RNFT2: variants seen among roughly 807,000 people sequenced by gnomAD.
RNFT2 encodes the protein ring finger protein, transmembrane 2, also known as E3 ubiquitin-protein ligase RNFT2.
Under a neutral mutation model 53.0 loss-of-function variants are expected in RNFT2, and 36 were observed. The observed-to-expected ratio is 0.68, with a 90% confidence interval of 0.52 to 0.90. The LOEUF is 0.90. Among genes scored for constraint, RNFT2 ranks in the 40% least tolerant of loss-of-function variants. The pLI is 0.00. For missense variants in RNFT2, 514 were observed against 585.6 expected (o/e 0.88, Z 1.26); for synonymous variants, 260 against 253.2 (o/e 1.03, Z -0.26).
chr12:116,765,663 C>A (rs1303823274), intron 5 of RNFT2, among the ~76,000 whole-genome samples: 1 of 152,158 alleles, frequency 6.6e-6, no homozygotes, highest in Non-Finnish European at 1.5e-5. Flanking sequence ...TGCTGTCAGG[C>A]TATGAAACTG....
In RNFT2 at chr12:116,833,958, G is replaced by C. The variant is rs1201177921; in HGVS notation, c.1032+17G>C. 6 of 1,586,276 alleles carry C rather than the reference G, an allele frequency of 3.8e-6. No homozygotes were observed. The highest frequency in any genetic ancestry group is 4.3e-6 in the Non-Finnish European group (5 of 1,168,228). On this transcript the variant is annotated intron_variant, in intron 8 of 10. Coordinates refer to ENST00000257575, the MANE Select transcript of RNFT2 (RefSeq NM_001382266.1). ...CTCTGCAAGGTGAGGTGGCCCCAAGGCTGGAGGGCCGGCCTAAGGAGGGCC... is the reference window on the plus strand; with the variant it reads ...CTCTGCAAGGTGAGGTGGCCCCAAGCCTGGAGGGCCGGCCTAAGGAGGGCC...
chr12:116,777,292 T>C (rs1423789080), intron 6 of RNFT2, among the ~76,000 whole-genome samples: 3 of 152,130 alleles, frequency 2.0e-5, no homozygotes, highest in Admixed American at 6.5e-5. Flanking sequence ...ATATAAAATA[T>C]ACAGAGCAGG....
chr12:116,767,303 G>A (rs750889029), intron 6 of RNFT2, among the ~76,000 whole-genome samples: 6 of 151,382 alleles, frequency 4.0e-5, no homozygotes, highest in Non-Finnish European at 7.4e-5. Context: ...CTGCAGCCTC[G>A]ACCTCCCAGG....
At chr12:116,771,049 G>C (rs1171785602) in intron 6 of RNFT2, among the ~76,000 whole-genome samples, 2 of 152,080 alleles carry the variant, frequency 1.3e-5, no homozygotes, top group Non-Finnish European at 2.9e-5. Flanking sequence ...CAACAAAGTT[G>C]AATGGTTATG....
At chr12:116,756,334 T>C (rs1328793087) in intron 5 of RNFT2, among the ~76,000 whole-genome samples, 3 of 152,136 alleles carry the variant, frequency 2.0e-5, no homozygotes, top group East Asian at 1.9e-4. Flanking sequence ...TTTTTTGTTT[T>C]GCAGCTATTG....
intron 6 of RNFT2, among the ~76,000 whole-genome samples, chr12:116,767,157 C>T (rs1400422946): frequency 6.6e-6 from 1 of 152,130 alleles, no homozygotes; most frequent in African/African-American, 2.4e-5. Flanking sequence ...CAGGTGGAAT[C>T]AATTATAATA....
At position 116,812,255 on chromosome 12, in the gene RNFT2, C is replaced by G. The variant is rs373335253; in HGVS notation, c.883-21537C>G. On this transcript the variant is annotated intron_variant, in intron 7 of 10. Coordinates refer to ENST00000257575, the MANE Select transcript of RNFT2 (RefSeq NM_001382266.1). ...CCTGCTGCAGCCTTATCCAGGGTGC[C>G]TGGCACATAGCAGCCCGACATAAAT... Among the ~76,000 whole-genome samples the G allele has an allele frequency of 4.0e-4, 61 of 152,230 alleles. No homozygotes were observed. The East Asian group carries it at 9.5e-3, about 24-fold the overall frequency.
chr12:116,750,873 T>A (rs1277664438), intron 4 of RNFT2, among the ~76,000 whole-genome samples: 1 of 1,108 alleles, frequency 9.0e-4, no homozygotes, highest in Admixed American at 0.016. Context: ...ATATATATAA[T>A]ATATATATTA....
chr12:116,754,075 G>T lies in RNFT2; in HGVS notation c.627+15G>T. On this transcript the variant is annotated intron_variant, in intron 5 of 10. Coordinates refer to ENST00000257575, the MANE Select transcript of RNFT2 (RefSeq NM_001382266.1). ...TCTCACTGAAGGTGAGTCACTTTCC[G>T]ACCTAGTCTCCTGTGGCTGCTGCAA... 1 of 1,607,604 alleles carries T rather than the reference G, an allele frequency of 6.2e-7. No homozygotes were observed. The highest frequency in any genetic ancestry group is 1.1e-5 in the South Asian group (1 of 90,934).
intron 7 of RNFT2, among the ~76,000 whole-genome samples, chr12:116,832,898 C>CTTTTTTTTTTTTTTTTTTTTTT (rs71095601): frequency 2.4e-5 from 2 of 84,766 alleles, no homozygotes; most frequent in Non-Finnish European, 2.1e-5. Flanking sequence ...AAGTCGTGTT[C>CTTTTTTTTTTTTTTTTTTTTTT]TTTTTTTTTT....
intron 5 of RNFT2, among the ~76,000 whole-genome samples, chr12:116,763,495 G>A (rs956872545): frequency 2.6e-5 from 4 of 152,048 alleles, no homozygotes; most frequent in South Asian, 2.1e-4. Context: ...TAGGTGGGGC[G>A]CAGTGGCTCA....
chr12:116,794,358 G>A (rs1170598086), intron 7 of RNFT2, among the ~76,000 whole-genome samples: 3 of 152,022 alleles, frequency 2.0e-5, no homozygotes, highest in African/African-American at 7.2e-5. Flanking sequence ...AGCACTTTGG[G>A]AGGCCAAGGC....
At chr12:116,839,198 G>T (rs1382085157) in intron 10 of RNFT2, among the ~76,000 whole-genome samples, 1 of 152,162 alleles carries the variant, frequency 6.6e-6, no homozygotes, top group Non-Finnish European at 1.5e-5. Context: ...GATGGGCAAG[G>T]TCTGTCTGCC....
In RNFT2 at chr12:116,846,203, C is replaced by T. The variant is rs185338042; in HGVS notation, c.1201-3111C>T. Among the ~76,000 whole-genome samples, 1,156 of 152,250 alleles carry T rather than the reference C, an allele frequency of 7.6e-3. 15 individuals carry two copies. Among genetic ancestry groups the T allele is most frequent in the African/African-American group, 0.026 (1,100 of 41,530 alleles). On this transcript the variant is annotated intron_variant, in intron 10 of 10. Coordinates refer to ENST00000257575, the MANE Select transcript of RNFT2 (RefSeq NM_001382266.1). ...ACACATAAGATAATAATCATTATTA[C>T]TATCATAATAGCTAATAGTTATAGA...
chr12:116,776,636 T>C (rs1257792449), intron 6 of RNFT2, among the ~76,000 whole-genome samples: 1 of 152,188 alleles, frequency 6.6e-6, no homozygotes, highest in Admixed American at 6.5e-5. Context: ...GATGCTAGAA[T>C]AGAGGCCTCA....
intron 3 of RNFT2, among the ~76,000 whole-genome samples, chr12:116,745,675 G>A (rs1200229899): frequency 6.6e-6 from 1 of 152,210 alleles, no homozygotes; most frequent in Non-Finnish European, 1.5e-5. Flanking sequence ...GTTTTTCATG[G>A]ATAAAAAGAA....
intron 10 of RNFT2, among the ~76,000 whole-genome samples, chr12:116,839,178 T>C (rs940362357): frequency 1.3e-5 from 2 of 152,154 alleles, no homozygotes; most frequent in African/African-American, 4.8e-5. Flanking sequence ...GGTAGTTCAT[T>C]TGGTAATTAG....
chr12:116,799,542 C>T (rs187292408), intron 7 of RNFT2, among the ~76,000 whole-genome samples: 1 of 152,292 alleles, frequency 6.6e-6, no homozygotes, highest in East Asian at 1.9e-4. Context: ...AATGCAATTG[C>T]ACATCTCTTA....
chr12:116,833,994 G>C (rs1307053516), intron 8 of RNFT2, 53 bp downstream of exon 8: 24 of 1,506,308 alleles, frequency 1.6e-5, no homozygotes, highest in Non-Finnish European at 2.1e-5. Context: ...CCATTCACTA[G>C]TCAGGCCTCA....
Sources: allele counts gnomAD v4.1 joint callset (sites outside exome capture counted in the v4.1 genomes callset), GRCh38; gene constraint gnomAD v4.1.1; transcripts MANE v1.5; gene names NCBI Gene and HGNC (gene_info 2026-07-23, HGNC 2026-07-21).